Variants in MROH9 observed in about 807,000 individuals in gnomAD.
MROH9 encodes maestro heat like repeat family member 9.
MROH9 carries 92 observed loss-of-function variants against 98.2 expected under a neutral mutation model. The observed-to-expected ratio is 0.94, with a 90% CI of 0.79 to 1.11. MROH9 has a LOEUF of 1.11. Among genes scored for constraint, MROH9 ranks in the 50% most tolerant of loss-of-function variants. The pLI is 0.00. For synonymous variants in MROH9, 397 were observed against 368.9 expected (o/e 1.08, Z -0.87); for missense variants, 1,057 against 1,014.8 (o/e 1.04, Z -0.57).
intron 15 of MROH9, among the ~76,000 whole-genome samples, chr1:171,009,868 A>G (rs938827656): frequency 3.9e-5 from 6 of 152,242 alleles, no homozygotes; most frequent in Non-Finnish European, 8.8e-5. Context: ...TGTCAAAAGG[A>G]CACAAGAAGT....
chr1:171,044,264 G>C (rs1017706388), intron 20 of MROH9, among the ~76,000 whole-genome samples: 1 of 152,150 alleles, frequency 6.6e-6, no homozygotes, highest in Non-Finnish European at 1.5e-5. Context: ...ATGTATTACA[G>C]TGATTGATTT....
intron 20 of MROH9, among the ~76,000 whole-genome samples, chr1:171,052,298 C>A (rs1181748322): frequency 2.0e-5 from 3 of 152,126 alleles, no homozygotes; most frequent in Non-Finnish European, 2.9e-5. Flanking sequence ...AGTTGGGGAC[C>A]AAGCTGGGTG....
intron 21 of MROH9, 47 bp from the exon 22 acceptor site, chr1:171,064,052 C>A (rs1269982180): frequency 1.3e-6 from 2 of 1,498,584 alleles, no homozygotes; most frequent in African/African-American, 2.8e-5. Context: ...GCTTCATGGC[C>A]TCTAAGAAAG....
chr1:171,045,951 T>A (rs1472607630), intron 20 of MROH9, among the ~76,000 whole-genome samples: 3 of 152,186 alleles, frequency 2.0e-5, no homozygotes, highest in African/African-American at 7.2e-5. Context: ...CTAATAGTAT[T>A]TCCTCTATAT....
intron 8 of MROH9, among the ~76,000 whole-genome samples, chr1:170,973,741 G>A (rs1046394254): frequency 2.0e-5 from 3 of 152,106 alleles, no homozygotes; most frequent in African/African-American, 7.2e-5. Context: ...TGAGCATGGT[G>A]GTGCGTGCCT....
At position 171,064,705 on chromosome 1, in the gene MROH9, G is replaced by A. The variant is rs1227791745; in HGVS notation, c.*365G>A. 1 of 172,398 alleles carries A rather than the reference G, an allele frequency of 5.8e-6. No homozygotes were observed. The highest frequency in any genetic ancestry group is 2.4e-5 in the African/African-American group (1 of 41,766). 10.7% of individuals were successfully genotyped at this position (172,398 alleles called of 1,614,324 possible). ...AGTGCCAGATACTGTGTTAGGCAGT[G>A]GGGACATTTGGATGATATAGACAAG... On this transcript the variant is annotated 3_prime_UTR_variant, in exon 22 of 22. Coordinates refer to ENST00000367759, the MANE Select transcript of MROH9 (RefSeq NM_001163629.2).
chr1:170,984,362 G>T (rs1651048296), intron 9 of MROH9, among the ~76,000 whole-genome samples: 3 of 152,136 alleles, frequency 2.0e-5, no homozygotes, highest in African/African-American at 7.2e-5. Flanking sequence ...AACATGGTAT[G>T]GTCAAAAATA....
chr1:170,942,414 C>T (rs942146759), intron 1 of MROH9, among the ~76,000 whole-genome samples: 6 of 146,906 alleles, frequency 4.1e-5, no homozygotes, highest in African/African-American at 1.0e-4. Context: ...CACACACCCT[C>T]AGAGAATACC....
chr1:170,957,592 A>G (rs1233711929), intron 3 of MROH9, among the ~76,000 whole-genome samples: 2 of 152,120 alleles, frequency 1.3e-5, no homozygotes, highest in Non-Finnish European at 2.9e-5. Context: ...TTGAAATCAT[A>G]ACTGTAAGAC....
chr1:170,951,232 A>G (rs1649541241), intron 3 of MROH9, among the ~76,000 whole-genome samples: 1 of 152,092 alleles, frequency 6.6e-6, no homozygotes, highest in South Asian at 2.1e-4. Flanking sequence ...GAAAGTGCAA[A>G]GAGTTATGGC....
chr1:170,946,014 A>T (rs1649318293), intron 2 of MROH9, among the ~76,000 whole-genome samples: 1 of 152,052 alleles, frequency 6.6e-6, no homozygotes, highest in South Asian at 2.1e-4. Flanking sequence ...TATAGCCTTT[A>T]GTACTTAGAA....
In MROH9 at chr1:171,017,413, GT is replaced by G. The variant is rs1469669155; in HGVS notation, c.1908+1083del. Among the ~76,000 whole-genome samples, 3 of 152,046 alleles carry G rather than the reference GT, an allele frequency of 2.0e-5. No homozygotes were observed. The South Asian group carries it at 6.2e-4, about 31-fold the overall frequency. Reference sequence around the variant, plus strand: ...CATGCTACCCAGCCTGGGAAAACGTGTTTTTTCCACGAAAATCCCACTTGTG... The same window carrying G: ...CATGCTACCCAGCCTGGGAAAACGTGTTTTTCCACGAAAATCCCACTTGTG... On this transcript the variant is annotated intron_variant, in intron 17 of 21. Transcript: ENST00000367759.
chr1:171,017,487 T>C (rs139005112), intron 17 of MROH9, among the ~76,000 whole-genome samples: 29 of 152,336 alleles, frequency 1.9e-4, no homozygotes, highest in African/African-American at 6.5e-4. Flanking sequence ...GCTGCACAGA[T>C]TCTCAACAGC....
intron 3 of MROH9, among the ~76,000 whole-genome samples, chr1:170,957,803 T>G (rs1046664955): frequency 2.0e-5 from 3 of 148,002 alleles, no homozygotes; most frequent in African/African-American, 7.5e-5. Context: ...TTGTTTTTTT[T>G]TTTTTTGTTT....
At chr1:171,016,598 A>T (rs1244400099) in intron 17 of MROH9, among the ~76,000 whole-genome samples, 1 of 152,164 alleles carries the variant, frequency 6.6e-6, no homozygotes, top group Admixed American at 6.5e-5. Flanking sequence ...TATACTGATT[A>T]ACCCTATATC....
At chr1:170,966,988 AG>A (rs1318498021) in intron 7 of MROH9, among the ~76,000 whole-genome samples, 1 of 152,154 alleles carries the variant, frequency 6.6e-6, no homozygotes, top group Non-Finnish European at 1.5e-5. Flanking sequence ...GATATATTCT[AG>A]TGAGTTCCAC....
chr1:170,941,378 T>A (rs1371911458), intron 1 of MROH9, among the ~76,000 whole-genome samples: 7 of 152,074 alleles, frequency 4.6e-5, no homozygotes, highest in Admixed American at 4.6e-4. Flanking sequence ...GCCTGGGAAA[T>A]GACTGAGGGA....
rs1317190588 is a variant in MROH9, at chr1:171,034,524, T to A, written c.2281+9104T>A. 4.6e-5 allele frequency among the ~76,000 whole-genome samples: 7 copies of A among 152,340 alleles called. No individual in the cohort carries two copies. The East Asian group carries it at 1.4e-3, about 29-fold the overall frequency. ...GCTTCCTGATGGGTACAACACTTAATGTCCATTAATGCATTTAATGAGCAG... is the reference window on the plus strand; with the variant it reads ...GCTTCCTGATGGGTACAACACTTAAAGTCCATTAATGCATTTAATGAGCAG... On this transcript the variant is annotated intron_variant, in intron 20 of 21. Coordinates refer to ENST00000367759, the MANE Select transcript of MROH9 (RefSeq NM_001163629.2).
intron 20 of MROH9, among the ~76,000 whole-genome samples, chr1:171,043,920 T>C (rs1290779700): frequency 6.6e-6 from 1 of 152,174 alleles, no homozygotes; most frequent in African/African-American, 2.4e-5. Flanking sequence ...CAAACAAGGA[T>C]AATTTGACTT....
Sources: gnomAD v4.1 joint callset for allele counts (sites outside exome capture counted in the v4.1 genomes callset) on GRCh38, gnomAD v4.1.1 for gene constraint, MANE v1.5 for transcripts, NCBI Gene and HGNC (gene_info 2026-07-23, HGNC 2026-07-21) for gene names.